DIS3L2: variants seen among roughly 807,000 people sequenced by gnomAD.
DIS3L2 encodes the protein DIS3-like exonuclease 2.
A neutral mutation model predicts 97.5 loss-of-function variants in DIS3L2; 34 were observed. The observed-to-expected ratio is 0.35, with a 90% CI of 0.27 to 0.46. The LOEUF is 0.46. DIS3L2 is among the 20% of genes least tolerant of loss of function. The pLI is 1.00. For missense variants in DIS3L2, 1,038 were observed against 1,146.0 expected (o/e 0.91, Z 1.36); for synonymous variants, 435 against 445.2 (o/e 0.98, Z 0.29).
At chr2:232,307,056 C>T (rs755832910) in intron 14 of DIS3L2, among the ~76,000 whole-genome samples, 1 of 152,264 alleles carries the variant, frequency 6.6e-6, no homozygotes, top group Non-Finnish European at 1.5e-5. Context: ...ACAGGCACCA[C>T]CAAAGCTGGG....
intron 5 of DIS3L2, among the ~76,000 whole-genome samples, chr2:232,062,026 T>A (rs1430103549): frequency 6.6e-6 from 1 of 152,136 alleles, no homozygotes; most frequent in African/African-American, 2.4e-5. Flanking sequence ...TTTTTTAAAA[T>A]TAGGTCATTA....
rs149929512 is a variant in DIS3L2, at chr2:232,050,202, G to C, written c.366+20122G>C. The stretch of plus-strand genomic sequence containing the variant: ...AACCTCTCATTAGCTCCATGTCCCA[G>C]TTCTGTTTCTTCTATTCAGTATGTT... On this transcript the variant is annotated intron_variant, in intron 5 of 20. Coordinates refer to ENST00000325385, the MANE Select transcript of DIS3L2 (RefSeq NM_152383.5). Among the ~76,000 whole-genome samples, 85 of 152,214 alleles carry C rather than the reference G, an allele frequency of 5.6e-4. 1 individual carries two copies. Among genetic ancestry groups the C allele is most frequent in the African/African-American group, 2.0e-3 (82 of 41,538 alleles).
chr2:232,326,171 C>CTTGGGG (rs1695567455), intron 14 of DIS3L2, among the ~76,000 whole-genome samples: 42 of 152,204 alleles, frequency 2.8e-4, no homozygotes, highest in Non-Finnish European at 1.5e-5. Flanking sequence ...CTCCCCATCC[C>CTTGGGG]AGGACCTTGG....
chr2:232,064,676 C>T (rs1339837719), intron 5 of DIS3L2, among the ~76,000 whole-genome samples: 6 of 152,234 alleles, frequency 3.9e-5, no homozygotes, highest in Non-Finnish European at 8.8e-5. Flanking sequence ...ATGAGAGATT[C>T]AGTTTCTTTA....
chr2:232,264,676 C>A (rs1329225541), intron 13 of DIS3L2, among the ~76,000 whole-genome samples: 4 of 152,202 alleles, frequency 2.6e-5, no homozygotes, highest in Non-Finnish European at 5.9e-5. Context: ...TTTCCCTGAG[C>A]CTGTCAGCTG....
At chr2:232,322,237 G>C (rs1695457623) in intron 14 of DIS3L2, among the ~76,000 whole-genome samples, 1 of 152,238 alleles carries the variant, frequency 6.6e-6, no homozygotes, top group Non-Finnish European at 1.5e-5. Context: ...AAGCATGGAT[G>C]GGGTGTCAGG....
At chr2:232,028,937 C>A (rs1027867457) in intron 4 of DIS3L2, among the ~76,000 whole-genome samples, 2 of 152,170 alleles carry the variant, frequency 1.3e-5, no homozygotes, top group African/African-American at 4.8e-5. Flanking sequence ...TCTAGAAGAT[C>A]TCTAATGGTT....
At chr2:232,290,039 A>T (rs1694554796) in intron 13 of DIS3L2, among the ~76,000 whole-genome samples, 1 of 152,216 alleles carries the variant, frequency 6.6e-6, no homozygotes, top group African/African-American at 2.4e-5. Context: ...TTCCTGTGGA[A>T]GCAGCTTTGG....
rs74660592 is a variant in DIS3L2, at chr2:232,070,136, T to C, written c.367-17351T>C. On this transcript the variant is annotated intron_variant, in intron 5 of 20. Transcript: ENST00000325385. ...TAAATTTCAATAATTATTCCTCCTG[T>C]GAACTCTGTTCAAGTAGAAATCCAG... Among the ~76,000 whole-genome samples the C allele has an allele frequency of 8.3e-4, 126 of 152,350 alleles. 2 individuals carry two copies. The East Asian group carries it at 0.022, about 27-fold the overall frequency.
chr2:232,123,397 C>T (rs978664605), intron 6 of DIS3L2, among the ~76,000 whole-genome samples: 2 of 152,048 alleles, frequency 1.3e-5, no homozygotes, highest in African/African-American at 4.8e-5. Context: ...CATCCTTGTG[C>T]CTTAATGAGA....
chr2:231,971,108 A>G (rs1248542986), intron 1 of DIS3L2, among the ~76,000 whole-genome samples: 1 of 152,174 alleles, frequency 6.6e-6, no homozygotes, highest in Non-Finnish European at 1.5e-5. Context: ...CTTCTTCTGG[A>G]TACCTCCTGA....
chr2:231,970,946 T>G (rs906360811), intron 1 of DIS3L2, among the ~76,000 whole-genome samples: 32 of 152,176 alleles, frequency 2.1e-4, no homozygotes, highest in Admixed American at 2.0e-3. Context: ...TAAAATTTTT[T>G]GTTAAAAACT....
chr2:232,312,716 T>A (rs528373480), intron 14 of DIS3L2, among the ~76,000 whole-genome samples: 67 of 152,368 alleles, frequency 4.4e-4, no homozygotes, highest in African/African-American at 1.3e-3. Flanking sequence ...TTTATGATAA[T>A]GAGTCTTCAC....
rs531659362 is a variant in DIS3L2 at position 232,220,325 on chromosome 2, C to T, written c.1204+9920C>T. Among the ~76,000 whole-genome samples the T allele has an allele frequency of 9.2e-5, 14 of 151,408 alleles. No homozygotes were observed. In the East Asian group the frequency reaches 2.3e-3, roughly 25 times the overall value. ...CTGTCTCTAACAACACCAAGTATCT[C>T]TTGGTGTTGTTAAATAATAAATAAA... is the stretch of plus-strand genomic sequence containing the variant. On this transcript the variant is annotated intron_variant, in intron 10 of 20. Transcript: ENST00000325385.
At chr2:232,194,780 TAG>T (rs1306457775) in intron 9 of DIS3L2, among the ~76,000 whole-genome samples, 5 of 151,962 alleles carry the variant, frequency 3.3e-5, no homozygotes, top group Non-Finnish European at 7.4e-5. Context: ...TGGGCTGAGG[TAG>T]AGAGTGTGTG....
chr2:232,018,671 A>C (rs1694422666), intron 3 of DIS3L2, among the ~76,000 whole-genome samples: 3 of 152,068 alleles, frequency 2.0e-5, no homozygotes, highest in Admixed American at 6.6e-5. Context: ...CTCCCTATCC[A>C]GAGAAGAAAC....
intron 9 of DIS3L2, among the ~76,000 whole-genome samples, chr2:232,181,761 C>T (rs979095976): frequency 1.3e-5 from 2 of 152,134 alleles, no homozygotes; most frequent in Non-Finnish European, 1.5e-5. Flanking sequence ...GTGTCAACCT[C>T]CAGATAGCTG....
At chr2:232,112,286 T>G (rs1697560214) in intron 6 of DIS3L2, among the ~76,000 whole-genome samples, 1 of 152,236 alleles carries the variant, frequency 6.6e-6, no homozygotes, top group Non-Finnish European at 1.5e-5. Flanking sequence ...GAGGCCATTA[T>G]CCTTCAGCAA....
At chr2:232,232,024 C>T (rs796223543) in intron 10 of DIS3L2, among the ~76,000 whole-genome samples, 16 of 152,182 alleles carry the variant, frequency 1.1e-4, no homozygotes, top group Middle Eastern at 3.4e-3. Context: ...TAGAGAGAAC[C>T]GCGGGGAGAC....
Sources: allele counts gnomAD v4.1 joint callset (sites outside exome capture counted in the v4.1 genomes callset), GRCh38; gene constraint gnomAD v4.1.1; transcripts MANE v1.5; gene names NCBI Gene and HGNC (gene_info 2026-07-23, HGNC 2026-07-21).